CNTN5: variants seen among roughly 807,000 people sequenced by gnomAD.
CNTN5 encodes the protein contactin 5, also known as contactin-5.
In CNTN5, 77 loss-of-function variants were observed where a neutral mutation model predicts 129.1. The ratio of observed to expected loss-of-function variants is 0.60; its 90% CI spans 0.50 to 0.72. The LOEUF (loss-of-function observed/expected upper bound fraction) is 0.72. Among genes scored for constraint, CNTN5 ranks in the 30% least tolerant of loss-of-function variants. CNTN5 has a pLI of 0.00. For synonymous variants in CNTN5, 509 were observed against 465.6 expected, an observed-to-expected ratio of 1.09 and a Z score of -1.20; for missense variants, 1,478 against 1,328.8, an observed-to-expected ratio of 1.11 and a Z score of -1.75.
chr11:99,286,040 GAAAA>G (rs1555101324), intron 1 of CNTN5, among the ~76,000 whole-genome samples: 1 of 93,018 alleles, frequency 1.1e-5, no homozygotes, highest in Admixed American at 1.3e-4. Context: ...TCCATCTGGA[GAAAA>G]AAAAAAAAAA....
At chr11:100,001,371 G>A (rs1371605475) in intron 8 of CNTN5, among the ~76,000 whole-genome samples, 2 of 152,124 alleles carry the variant, frequency 1.3e-5, no homozygotes, top group Non-Finnish European at 2.9e-5. Flanking sequence ...CTCCTACCAC[G>A]TGCCTCTCGA....
intron 24 of CNTN5, among the ~76,000 whole-genome samples, chr11:100,353,074 C>G (rs1304848789): frequency 6.6e-6 from 1 of 151,632 alleles, no homozygotes; most frequent in East Asian, 1.9e-4. Context: ...ATAGTATTAT[C>G]TGAATAAGAT....
intron 8 of CNTN5, among the ~76,000 whole-genome samples, chr11:99,989,483 A>G (rs148896951): frequency 0.012 from 1,842 of 150,988 alleles, 18 homozygotes; most frequent in Non-Finnish European, 0.02. Flanking sequence ...TAATTATTCA[A>G]AAGGCTCCAA....
intron 7 of CNTN5, among the ~76,000 whole-genome samples, chr11:99,956,578 GAATA>G (rs748307424): frequency 4.6e-5 from 7 of 152,130 alleles, no homozygotes; most frequent in African/African-American, 4.8e-5. Context: ...GGAATTGAAA[GAATA>G]AATAAACGAG....
intron 21 of CNTN5, chr11:100,309,690 T>C: frequency 2.0e-6 from 2 of 984,962 alleles, no homozygotes; most frequent in Non-Finnish European, 2.4e-6. Flanking sequence ...AATAAATATG[T>C]TGAATGAATA....
chr11:100,337,446 G>T (rs1194346664), intron 21 of CNTN5: 4 of 750,386 alleles, frequency 5.3e-6, no homozygotes, highest in African/African-American at 1.7e-5. Flanking sequence ...CCAAAATCAG[G>T]TGTTGAATGT....
rs1409941475 is a variant in CNTN5 at position 99,523,653 on chromosome 11, ACAGAACAGAT to A, written c.-70-32482_-70-32473del. Among the ~76,000 whole-genome samples the A allele has an allele frequency of 3.4e-3, 299 of 88,862 alleles. 3 individuals carry two copies. The highest frequency in any genetic ancestry group is 0.013 in the African/African-American group (249 of 19,340). 58.3% of individuals were successfully genotyped at this position (88,862 alleles called of 152,430 possible). On this transcript the variant is annotated intron_variant, in intron 2 of 24. Coordinates refer to ENST00000524871, the MANE Select transcript of CNTN5 (RefSeq NM_014361.4). ...ATAGAATAGAATAGAATAGAATAGA[ACAGAACAGAT>A]CAGAACAGAACAGAACAGAACAGAA...
At chr11:99,623,741 C>CAAAAAAAAA (rs5794000) in intron 3 of CNTN5, among the ~76,000 whole-genome samples, 16 of 130,274 alleles carry the variant, frequency 1.2e-4, no homozygotes, top group African/African-American at 2.8e-4. Context: ...GAGAAAGATA[C>CAAAAAAAAA]AAAAAATAAA....
intron 3 of CNTN5, among the ~76,000 whole-genome samples, chr11:99,578,503 TTTTTAATGATCGCCA>T (rs1163295872): frequency 6.6e-6 from 1 of 150,816 alleles, no homozygotes; most frequent in African/African-American, 2.5e-5. Flanking sequence ...GTTTCCTGAC[TTTTTAATGATCGCCA>T]TTCTAACTGG....
At chr11:99,878,897 C>G (rs1948702379) in intron 6 of CNTN5, among the ~76,000 whole-genome samples, 1 of 151,934 alleles carries the variant, frequency 6.6e-6, no homozygotes, top group Non-Finnish European at 1.5e-5. Flanking sequence ...GATGATACTC[C>G]CAAAAGGTTC....
chr11:99,083,590 T>C (rs990175950), intron 1 of CNTN5, among the ~76,000 whole-genome samples: 5 of 152,156 alleles, frequency 3.3e-5, no homozygotes, highest in African/African-American at 1.2e-4. Flanking sequence ...TGTTCTTTTT[T>C]TAAAGAAAAA....
intron 9 of CNTN5, among the ~76,000 whole-genome samples, chr11:100,053,823 C>T (rs1298885624): frequency 6.6e-6 from 1 of 151,684 alleles, no homozygotes; most frequent in Non-Finnish European, 1.5e-5. Context: ...AGTCAGCAGG[C>T]GTCTGGATAA....
At chr11:99,320,271 A>G (rs1865515099) in intron 1 of CNTN5, among the ~76,000 whole-genome samples, 1 of 152,100 alleles carries the variant, frequency 6.6e-6, no homozygotes, top group East Asian at 1.9e-4. Context: ...TGGCTTTAGG[A>G]TATATGGTTT....
intron 2 of CNTN5, among the ~76,000 whole-genome samples, chr11:99,385,627 ATTTAG>A (rs994580016): frequency 6.6e-6 from 1 of 152,216 alleles, no homozygotes; most frequent in African/African-American, 2.4e-5. Flanking sequence ...GAACTCTTGT[ATTTAG>A]TTAAGTATCA....
intron 2 of CNTN5, among the ~76,000 whole-genome samples, chr11:99,380,302 A>G (rs966658062): frequency 2.0e-5 from 3 of 152,106 alleles, no homozygotes; most frequent in Non-Finnish European, 2.9e-5. Context: ...AAATCTTTCT[A>G]TTTATTTACA....
intron 3 of CNTN5, among the ~76,000 whole-genome samples, chr11:99,777,552 G>A (rs777532528): frequency 6.6e-6 from 1 of 151,668 alleles, no homozygotes; most frequent in Non-Finnish European, 1.5e-5. Flanking sequence ...TTACTTGAAA[G>A]CAATTTTATA....
In CNTN5 at chr11:99,814,593, G is replaced by C. The variant is rs779192739; in HGVS notation, c.56-4951G>C. Among the ~76,000 whole-genome samples, 15 of 152,200 alleles carry C rather than the reference G, an allele frequency of 9.9e-5. No homozygotes were observed. The Middle Eastern group carries it at 0.01, about 104-fold the overall frequency. On this transcript the variant is annotated intron_variant, in intron 3 of 24. Transcript: ENST00000524871. ...TTAGCCTGGGAAAAAAACAGTCCAG[G>C]GTGAAGAGCAGTGTGCCTGAAGGTG...
intron 1 of CNTN5, among the ~76,000 whole-genome samples, chr11:99,317,632 G>A (rs1865395985): frequency 6.6e-6 from 1 of 152,120 alleles, no homozygotes; most frequent in Admixed American, 6.6e-5. Context: ...GTCCTGAAAA[G>A]AATATAACAC....
chr11:99,816,256 A>T (rs1344132611), intron 3 of CNTN5, among the ~76,000 whole-genome samples: 1 of 152,090 alleles, frequency 6.6e-6, no homozygotes. Context: ...GTTGGTCAAA[A>T]TTCCATTTTC....
Sources: gnomAD v4.1 joint callset for allele counts (sites outside exome capture counted in the v4.1 genomes callset) on GRCh38, gnomAD v4.1.1 for gene constraint, MANE v1.5 for transcripts, NCBI Gene and HGNC (gene_info 2026-07-23, HGNC 2026-07-21) for gene names.